The following SPDYC variants were observed in gnomAD, a reference collection of about 807,000 sequenced individuals.
SPDYC encodes speedy protein C.
In SPDYC, 25 loss-of-function variants were observed where a neutral mutation model predicts 33.9. That is an observed-to-expected ratio of 0.74 (90% confidence interval 0.54 to 1.03). The LOEUF is 1.03. Ranked by LOEUF, SPDYC falls within the 50% of genes least tolerant of loss-of-function variation. SPDYC has a pLI of 0.00. For synonymous variants in SPDYC, 133 were observed against 140.2 expected, an observed-to-expected ratio of 0.95 and a Z score of 0.36; for missense variants, 349 against 382.9, an observed-to-expected ratio of 0.91 and a Z score of 0.74.
At position 65,172,225 on chromosome 11, in the gene SPDYC, C is replaced by G. The variant is rs774888405; in HGVS notation, c.259-21C>G. 153 of 1,613,806 alleles carry G rather than the reference C, an allele frequency of 9.5e-5. 1 individual carries two copies. Among genetic ancestry groups the G allele is most frequent in the South Asian group, 1.3e-4 (12 of 91,090 alleles). On this transcript the variant is annotated intron_variant, in intron 3 of 6. Coordinates refer to ENST00000377185, the Ensembl canonical transcript of SPDYC. ...CCTCCTCAGAGAATAACTAACCCCC[C>G]ACCCCGATCTGTCTCTGCAGTATCT... is the stretch of plus-strand genomic sequence containing the variant.
chr11:65,172,588 C>A (rs778625589), exon 5 of SPDYC: 1 of 1,552,218 alleles, frequency 6.4e-7, no homozygotes, highest in South Asian at 1.2e-5. Flanking sequence ...TGTTGTGAGC[C>A]GCCAGTGCTG....
In SPDYC at chr11:65,171,506, T is replaced by G. The variant is rs760122305; in HGVS notation, c.199+7T>G. On this transcript the variant is annotated splice_region_variant and intron_variant, in intron 2 of 6. Coordinates refer to ENST00000377185, the Ensembl canonical transcript of SPDYC. The stretch of plus-strand genomic sequence containing the variant: ...GCCTTCCTCAGCCTTCTGGGTGAGT[T>G]TGGAGGGCTGGCACGGGAGGGGCCG... 6 of 1,555,372 alleles carry G rather than the reference T, an allele frequency of 3.9e-6. No individual in the cohort carries two copies. The highest frequency in any genetic ancestry group is 5.2e-6 in the Non-Finnish European group (6 of 1,153,582).
exon 5 of SPDYC, chr11:65,172,508 A>G: frequency 6.3e-7 from 1 of 1,582,178 alleles, no homozygotes; most frequent in Admixed American, 1.8e-5. Flanking sequence ...CTGGGAAAAG[A>G]TTGGTGTTTA....
chr11:65,171,587 C>A, intron 2 of SPDYC, 88 bp downstream of exon 2: 1 of 1,357,194 alleles, frequency 7.4e-7, no homozygotes, highest in Non-Finnish European at 9.8e-7. Context: ...CCTGTACAGA[C>A]ATCTGAGACC....
At chr11:65,171,650 C>T in intron 2 of SPDYC, 151 bp downstream of exon 2, 1 of 979,680 alleles carries the variant, frequency 1.0e-6, no homozygotes, top group Non-Finnish European at 1.5e-6. Context: ...GAGGGGTGTC[C>T]TCTCAGAAAC....
chr11:65,172,933 G>T (rs748212781), exon 6 of SPDYC: 1 of 1,614,036 alleles, frequency 6.2e-7, no homozygotes, highest in Non-Finnish European at 8.5e-7. Context: ...TCTCTCAAGG[G>T]TCAAAAACGC....
intron 1 of SPDYC, among the ~76,000 whole-genome samples, chr11:65,170,988 C>G (rs559449078): frequency 6.6e-6 from 1 of 152,150 alleles, no homozygotes; most frequent in Non-Finnish European, 1.5e-5. Flanking sequence ...GTTTGACGAC[C>G]GGTCTGAGTT....
At position 65,172,104 on chromosome 11, in the gene SPDYC, C is replaced by G. The variant is rs964141457; in HGVS notation, c.258+103C>G. The G allele has an allele frequency of 2.0e-6, 3 of 1,489,888 alleles. No homozygotes were observed. The African/African-American group carries it at 4.2e-5, about 21-fold the overall frequency. The allele number at this position is 1,489,888 out of a possible 1,614,324, so 92.3% of individuals were successfully genotyped here. ...GAGCCACTCACCTTCCATCCTTACC[C>G]CCTCATCTTTGCACACCACTTCCCA... On this transcript the variant is annotated intron_variant, in intron 3 of 6. Transcript: ENST00000377185.
intron 6 of SPDYC, 54 bp from the exon 7 acceptor site, chr11:65,173,129 C>T (rs1357331818): frequency 1.9e-6 from 3 of 1,609,062 alleles, no homozygotes; most frequent in Non-Finnish European, 2.5e-6. Context: ...TGCTGCCCCT[C>T]CCGTGTGAGC....
intron 1 of SPDYC, among the ~76,000 whole-genome samples, chr11:65,171,004 T>TA (rs1295656766): frequency 6.6e-6 from 1 of 152,122 alleles, no homozygotes; most frequent in African/African-American, 2.4e-5. Context: ...GAGTTAAACT[T>TA]ACCTCCTTAC....
chr11:65,172,926 C>G, exon 6 of SPDYC: 1 of 1,614,174 alleles, frequency 6.2e-7, no homozygotes. Flanking sequence ...AAAATTATCT[C>G]TCAAGGGTCA....
intron 6 of SPDYC, 55 bp downstream of exon 6, chr11:65,173,069 G>C: frequency 6.3e-7 from 1 of 1,599,444 alleles, no homozygotes; most frequent in Middle Eastern, 1.7e-4. Flanking sequence ...TGGGAGGCAG[G>C]AGTGAGGACC....
chr11:65,170,641 A>G (rs1385338870), intron 1 of SPDYC, among the ~76,000 whole-genome samples: 1 of 150,802 alleles, frequency 6.6e-6, no homozygotes, highest in East Asian at 1.9e-4. Flanking sequence ...TCACGCCTGC[A>G]ATCCCAGCAC....
At chr11:65,171,249 C>T in intron 1 of SPDYC, 78 bp from the exon 2 acceptor site, 2 of 1,509,408 alleles carry the variant, frequency 1.3e-6, no homozygotes, top group Non-Finnish European at 1.8e-6. Context: ...CTCCACCGTC[C>T]TGGCCCCTGT....
chr11:65,172,728 G>T, exon 6 of SPDYC: 1 of 1,610,980 alleles, frequency 6.2e-7, no homozygotes, highest in Non-Finnish European at 8.5e-7. Context: ...CTCGGGACCG[G>T]CGCCCCCACC....
exon 5 of SPDYC, chr11:65,172,435 T>C: frequency 1.2e-6 from 2 of 1,604,880 alleles, no homozygotes; most frequent in Non-Finnish European, 1.7e-6. Context: ...TGTGGCTAGG[T>C]ACCTTGCAAA....
chr11:65,172,036 C>T, intron 3 of SPDYC, 35 bp downstream of exon 3: 4 of 1,609,708 alleles, frequency 2.5e-6, no homozygotes, highest in Non-Finnish European at 2.6e-6. Flanking sequence ...TCTTGAGGGT[C>T]AGGTTGAGTT....
downstream of SPDYC, chr11:65,173,366 C>T (rs1363399700): frequency 1.1e-5 from 11 of 965,570 alleles, no homozygotes; most frequent in Middle Eastern, 2.6e-4. Context: ...CCACAGGACA[C>T]CAACTGTGCT....
exon 1 of SPDYC, chr11:65,170,257 C>T (rs1285523669): frequency 1.9e-6 from 3 of 1,580,256 alleles, no homozygotes; most frequent in African/African-American, 2.7e-5. Context: ...CATTCCTGAG[C>T]TCGGGTAAGG....
Sources: allele counts gnomAD v4.1 joint callset (sites outside exome capture counted in the v4.1 genomes callset), GRCh38; gene constraint gnomAD v4.1.1; transcripts MANE v1.5; gene names NCBI Gene and HGNC (gene_info 2026-07-23, HGNC 2026-07-21).